Variants in PDE4D observed in about 807,000 individuals in gnomAD.
PDE4D encodes phosphodiesterase 4D, also known as 3',5'-cyclic-AMP phosphodiesterase 4D.
Under a neutral mutation model 87.4 loss-of-function variants are expected in PDE4D, and 24 were observed. The ratio of observed to expected loss-of-function variants is 0.27; its 90% CI spans 0.20 to 0.39. PDE4D has a LOEUF of 0.39. Among genes scored for constraint, PDE4D ranks in the 10% least tolerant of loss-of-function variants. The probability of loss-of-function intolerance (pLI) is 1.00; values close to 1 mark genes in which losing one functional copy is unlikely to be tolerated. For missense variants in PDE4D, 714 were observed against 1,041.0 expected (o/e 0.69, Z 4.32); for synonymous variants, 384 against 383.2 (o/e 1.00, Z -0.02).
chr5:59,863,683 A>C (rs1287619108), intron 1 of PDE4D, among the ~76,000 whole-genome samples: 1 of 152,142 alleles, frequency 6.6e-6, no homozygotes, highest in Non-Finnish European at 1.5e-5. Context: ...TTTGGTATTG[A>C]TCTCTGTCCA....
At chr5:59,692,820 C>T (rs1160057072) in intron 1 of PDE4D, among the ~76,000 whole-genome samples, 1 of 152,064 alleles carries the variant, frequency 6.6e-6, no homozygotes, top group Non-Finnish European at 1.5e-5. Flanking sequence ...AGACTTGTGA[C>T]CTTAGGCAAA....
intron 1 of PDE4D, among the ~76,000 whole-genome samples, chr5:59,695,246 C>T (rs1258804588): frequency 4.0e-5 from 6 of 151,724 alleles, no homozygotes; most frequent in Admixed American, 3.9e-4. Context: ...CAGTGTGAGT[C>T]TTCTGCCAAC....
chr5:59,049,859 T>TA (rs1761267990), intron 5 of PDE4D, among the ~76,000 whole-genome samples: 1 of 152,240 alleles, frequency 6.6e-6, no homozygotes, highest in African/African-American at 2.4e-5. Flanking sequence ...TTCTTTTTTT[T>TA]AACTTTCTCA....
At chr5:59,523,909 T>C (rs1399578362) in intron 1 of PDE4D, among the ~76,000 whole-genome samples, 1 of 152,208 alleles carries the variant, frequency 6.6e-6, no homozygotes, top group Non-Finnish European at 1.5e-5. Context: ...CCTGCTGCCA[T>C]GTGAAGAAGA....
chr5:60,413,450 A>AGAGGAGG (rs1742208673), intron 1 of PDE4D, among the ~76,000 whole-genome samples: 1 of 152,164 alleles, frequency 6.6e-6, no homozygotes, highest in Non-Finnish European at 1.5e-5. Flanking sequence ...TCTGAAGATG[A>AGAGGAGG]GAGGAGGAAG....
chr5:59,039,482 A>T (rs1486400444), intron 5 of PDE4D: 2 of 985,416 alleles, frequency 2.0e-6, no homozygotes, highest in Non-Finnish European at 2.4e-6. Context: ...GAAGTGAATG[A>T]ATCAGCCGCG....
At chr5:59,393,328 A>G (rs967217596) in intron 1 of PDE4D, among the ~76,000 whole-genome samples, 2 of 152,220 alleles carry the variant, frequency 1.3e-5, no homozygotes, top group African/African-American at 4.8e-5. Context: ...TTTATGATAA[A>G]GAACATCTCA....
In PDE4D at chr5:58,991,899, G is replaced by C. The variant is rs746795466; in HGVS notation, c.1121C>G (p.Ser374Cys). Residue 374 changes from serine (S) to cysteine (C), a missense_variant, in exon 8 of 15, where the codon TCT (serine) becomes TGT (cysteine). By Grantham distance (112) the Ser-to-Cys change is moderately radical. Transcript: ENST00000340635. ...ISGVKKLMHSSSLTNSSIPRF... is the reference protein window; with the variant it reads ...ISGVKKLMHSCSLTNSSIPRF... ...TGGGATACTTGAATTAGTCAGACTA[G>C]AGCTGTGCATCAATTTCTTGACTCC... 6 of 1,606,158 alleles carry C rather than the reference G, an allele frequency of 3.7e-6. No homozygotes were observed. Among genetic ancestry groups the C allele is most frequent in the Non-Finnish European group, 5.1e-6 (6 of 1,176,170 alleles).
intron 1 of PDE4D, among the ~76,000 whole-genome samples, chr5:59,699,425 T>C (rs1443371739): frequency 1.3e-5 from 2 of 152,274 alleles, no homozygotes; most frequent in Non-Finnish European, 1.5e-5. Context: ...TCATGACTTA[T>C]TGGATCCCCA....
intron 5 of PDE4D, among the ~76,000 whole-genome samples, chr5:59,133,983 T>TTTGTTGTTGTTGTTGTTG (rs71604780): frequency 2.7e-5 from 4 of 147,744 alleles, no homozygotes; most frequent in African/African-American, 1.0e-4. Flanking sequence ...AGCAACTAGT[T>TTTGTTGTTGTTGTTGTTG]TTGTTGTTGT....
At chr5:60,520,950 T>TGG (rs1284971614) in intron 1 of PDE4D, 1 of 152,568 alleles carries the variant, frequency 6.6e-6, no homozygotes, top group Non-Finnish European at 1.5e-5. Flanking sequence ...TCTGCACTCA[T>TGG]TCCTAAGCAG....
chr5:58,992,743 A>C (rs1748200918), intron 7 of PDE4D, among the ~76,000 whole-genome samples: 1 of 152,190 alleles, frequency 6.6e-6, no homozygotes, highest in Non-Finnish European at 1.5e-5. Flanking sequence ...TCATCCTTAT[A>C]TATAGAACAT....
chr5:59,160,327 A>G (rs1473831401), intron 5 of PDE4D, among the ~76,000 whole-genome samples: 1 of 152,060 alleles, frequency 6.6e-6, no homozygotes, highest in East Asian at 1.9e-4. Context: ...AATCCTATAC[A>G]TTTATCCTCC....
At chr5:59,500,864 CT>C (rs1808178512) in intron 1 of PDE4D, among the ~76,000 whole-genome samples, 1 of 152,132 alleles carries the variant, frequency 6.6e-6, no homozygotes, top group Admixed American at 6.5e-5. Context: ...CCCTTTATTT[CT>C]TCTTTTTTTC....
At chr5:60,162,940 T>C (rs1037287456) in intron 2 of PDE4D, among the ~76,000 whole-genome samples, 1 of 152,184 alleles carries the variant, frequency 6.6e-6, no homozygotes, top group Admixed American at 6.5e-5. Context: ...TCCTAGTCCC[T>C]GTCCTGAGAA....
At chr5:60,358,864 T>C (rs1759830914) in intron 1 of PDE4D, among the ~76,000 whole-genome samples, 1 of 152,222 alleles carries the variant, frequency 6.6e-6, no homozygotes. Flanking sequence ...GTATTATATG[T>C]GATATTTAGG....
chr5:59,971,362 A>AG (rs1156941384), intron 3 of PDE4D, among the ~76,000 whole-genome samples: 1 of 144,410 alleles, frequency 6.9e-6, no homozygotes, highest in Non-Finnish European at 1.5e-5. Flanking sequence ...TATAATAATA[A>AG]AAAATAAATA....
chr5:60,389,324 AG>A (rs2150023146), intron 1 of PDE4D, among the ~76,000 whole-genome samples: 1 of 152,336 alleles, frequency 6.6e-6, no homozygotes, highest in Non-Finnish European at 1.5e-5. Context: ...TGTATTCAAA[AG>A]GTTGGCATAT....
chr5:60,462,425 AAGGAATAGG>A, intron 1 of PDE4D, among the ~76,000 whole-genome samples: 1 of 152,094 alleles, frequency 6.6e-6, no homozygotes, highest in Non-Finnish European at 1.5e-5. Context: ...GCAAGAAGAG[AAGGAATAGG>A]TTGTGGAATA....
Sources: gnomAD v4.1 joint callset for allele counts (sites outside exome capture counted in the v4.1 genomes callset) on GRCh38, gnomAD v4.1.1 for gene constraint, MANE v1.5 for transcripts, NCBI Gene and HGNC (gene_info 2026-07-23, HGNC 2026-07-21) for gene names.